The following CALN1 variants were observed in gnomAD, a reference collection of about 807,000 sequenced individuals.
CALN1 encodes the protein calcium-binding protein 8.
In CALN1, 17 loss-of-function variants were observed where a neutral mutation model predicts 30.6. That is an observed-to-expected ratio of 0.56 (90% CI 0.38 to 0.83). The LOEUF (loss-of-function observed/expected upper bound fraction) is 0.83. CALN1 is among the 40% of genes least tolerant of loss of function. The pLI is 0.00. For missense variants in CALN1, 291 were observed against 354.9 expected (o/e 0.82, Z 1.45); for synonymous variants, 156 against 131.4 (o/e 1.19, Z -1.28).
At chr7:71,938,600 G>T (rs1348985738) in intron 5 of CALN1, among the ~76,000 whole-genome samples, 1 of 152,002 alleles carries the variant, frequency 6.6e-6, no homozygotes, top group East Asian at 1.9e-4. Flanking sequence ...TTCGAGACCA[G>T]CCTGGCCAAC....
At position 71,782,505 on chromosome 7, in the gene CALN1, G is replaced by A. The variant is rs1792772763; in HGVS notation, c.*5270C>T. 6.6e-6 allele frequency: 1 copy of A among 152,128 alleles called. No homozygotes were observed. Among genetic ancestry groups the A allele is most frequent in the Non-Finnish European group, 1.5e-5 (1 of 68,054 alleles). 9.4% of individuals were successfully genotyped at this position (152,128 alleles called of 1,614,324 possible). A position where few individuals can be genotyped will look rare whatever the true frequency, so the allele number is the denominator to read the frequency against. On this transcript the variant is annotated 3_prime_UTR_variant, in exon 7 of 7. Transcript: ENST00000395275. ...TTCTTTATAAATTACCCAGTGTTAA[G>A]GTATTCCTTTATAGCAATGCAAAAC...
intron 6 of CALN1, among the ~76,000 whole-genome samples, chr7:71,808,670 T>C (rs1488036639): frequency 2.0e-5 from 3 of 152,144 alleles, no homozygotes; most frequent in African/African-American, 7.2e-5. Flanking sequence ...TACTAAGATC[T>C]ATGACATTTC....
intron 3 of CALN1, among the ~76,000 whole-genome samples, chr7:72,226,964 A>C (rs543095729): frequency 6.6e-6 from 1 of 150,788 alleles, no homozygotes; most frequent in East Asian, 2.1e-4. Flanking sequence ...TGAACCCGGA[A>C]GACAGAGACT....
intron 4 of CALN1, among the ~76,000 whole-genome samples, chr7:72,080,017 C>T (rs1253987960): frequency 1.1e-4 from 16 of 152,162 alleles, no homozygotes; most frequent in African/African-American, 2.4e-4. Flanking sequence ...GTGTTCTGCT[C>T]GCCTCGGCCT....
At chr7:72,488,396 A>G in the CALN1 span, among the ~76,000 whole-genome samples, 2 of 152,120 alleles carry the variant, frequency 1.3e-5, no homozygotes, top group African/African-American at 4.8e-5. Flanking sequence ...AATAAAAATA[A>G]GAATAAGTTT....
intron 5 of CALN1, among the ~76,000 whole-genome samples, chr7:71,849,802 CCT>C (rs1790533242): frequency 6.6e-6 from 1 of 152,102 alleles, no homozygotes; most frequent in Non-Finnish European, 1.5e-5. Context: ...TGCCACCACA[CCT>C]CTGTCATTGT....
At chr7:71,998,562 C>G (rs901361854) in intron 5 of CALN1, among the ~76,000 whole-genome samples, 1 of 150,302 alleles carries the variant, frequency 6.7e-6, no homozygotes, top group African/African-American at 2.5e-5. Flanking sequence ...AAAAACTATA[C>G]GAACAGATAT....
At chr7:71,844,684 G>C (rs1311130772) in intron 5 of CALN1, among the ~76,000 whole-genome samples, 1 of 152,154 alleles carries the variant, frequency 6.6e-6, no homozygotes, top group East Asian at 1.9e-4. Flanking sequence ...AAGGGCAGAA[G>C]AGAAAAGGAA....
chr7:72,047,841 A>G (rs1258896765), intron 4 of CALN1, among the ~76,000 whole-genome samples: 2 of 152,158 alleles, frequency 1.3e-5, no homozygotes, highest in Non-Finnish European at 2.9e-5. Context: ...AGCTGCAAAC[A>G]GAGACAACCA....
At chr7:72,335,951 C>A (rs1207331554) in intron 2 of CALN1, among the ~76,000 whole-genome samples, 2 of 152,216 alleles carry the variant, frequency 1.3e-5, no homozygotes, top group East Asian at 3.9e-4. Context: ...CCGCGCTGCG[C>A]TAGTCCGGAG....
At chr7:72,333,327 A>C (rs1158050503) in intron 2 of CALN1, among the ~76,000 whole-genome samples, 1 of 152,244 alleles carries the variant, frequency 6.6e-6, no homozygotes, top group Non-Finnish European at 1.5e-5. Flanking sequence ...CTATCTATCC[A>C]TACCACATAA....
At chr7:71,918,780 C>A (rs1186233454) in intron 5 of CALN1, among the ~76,000 whole-genome samples, 1 of 152,140 alleles carries the variant, frequency 6.6e-6, no homozygotes, top group Non-Finnish European at 1.5e-5. Flanking sequence ...TAATCCAGCC[C>A]CCAGCTCCTT....
chr7:72,141,462 T>C (rs1424756944), intron 3 of CALN1, among the ~76,000 whole-genome samples: 1 of 152,062 alleles, frequency 6.6e-6, no homozygotes, highest in African/African-American at 2.4e-5. Context: ...TACCTGGGTG[T>C]GATGGCACTT....
At chr7:72,385,018 GA>G (rs1314054480) in intron 2 of CALN1, among the ~76,000 whole-genome samples, 1 of 152,076 alleles carries the variant, frequency 6.6e-6, no homozygotes, top group Non-Finnish European at 1.5e-5. Flanking sequence ...TCCTCCGCAA[GA>G]AAAAATATAC....
At chr7:72,145,612 C>T (rs1461022335) in intron 3 of CALN1, among the ~76,000 whole-genome samples, 2 of 152,212 alleles carry the variant, frequency 1.3e-5, no homozygotes, top group Non-Finnish European at 2.9e-5. Flanking sequence ...TCCTCCCTAA[C>T]TCATTTTATG....
intron 3 of CALN1, among the ~76,000 whole-genome samples, chr7:72,217,999 C>T (rs909815146): frequency 2.0e-5 from 3 of 151,394 alleles, no homozygotes; most frequent in Admixed American, 6.6e-5. Context: ...CCTGCCACTG[C>T]GCCCAGATAG....
intron 2 of CALN1, among the ~76,000 whole-genome samples, chr7:72,292,239 C>A (rs951672873): frequency 2.6e-5 from 4 of 151,766 alleles, no homozygotes; most frequent in African/African-American, 9.7e-5. Context: ...CCTGGAAGGC[C>A]AAAATCAGGG....
chr7:72,431,598 G>T (rs147084976), intron 1 of CALN1, among the ~76,000 whole-genome samples: 2 of 152,104 alleles, frequency 1.3e-5, no homozygotes, highest in Admixed American at 1.3e-4. Flanking sequence ...CAGCACTTTG[G>T]GGGGCCAAGG....
intron 3 of CALN1, among the ~76,000 whole-genome samples, chr7:72,247,383 G>A (rs1254459469): frequency 6.6e-6 from 1 of 151,166 alleles, no homozygotes; most frequent in Non-Finnish European, 1.5e-5. Flanking sequence ...GAATAGCTGG[G>A]ACTACAGGTG....
Sources: allele counts gnomAD v4.1 joint callset (sites outside exome capture counted in the v4.1 genomes callset), GRCh38; gene constraint gnomAD v4.1.1; transcripts MANE v1.5; gene names NCBI Gene and HGNC (gene_info 2026-07-23, HGNC 2026-07-21).